The following SHH variants were observed in gnomAD, a reference collection of about 807,000 sequenced individuals.
The protein encoded by SHH is sonic hedgehog signaling molecule.
A neutral mutation model predicts 16.6 loss-of-function variants in SHH; 3 were observed. The observed-to-expected ratio is 0.18, with a 90% CI of 0.08 to 0.47. The LOEUF (loss-of-function observed/expected upper bound fraction) is 0.47, where lower values mean the gene tolerates loss of function less well. Ranked by LOEUF, SHH falls within the 20% of genes least tolerant of loss-of-function variation. The pLI is 0.98. For missense variants in SHH, 499 were observed against 665.0 expected (o/e 0.75, Z 2.75); for synonymous variants, 351 against 316.2 (o/e 1.11, Z -1.17).
chr7:155,803,874 G>C, intron 2 of SHH, 148 bp from the exon 3 acceptor site: 2 of 680,954 alleles, frequency 2.9e-6, no homozygotes, highest in South Asian at 1.8e-5. Context: ...GATTCCAGGC[G>C]GGTCCCGCAC....
In SHH at chr7:155,803,491, G is replaced by C; in HGVS notation, c.798C>G (p.Leu266=). 2 of 1,570,954 alleles carry C rather than the reference G, an allele frequency of 1.3e-6. No homozygotes were observed. The highest frequency in any genetic ancestry group is 1.7e-6 in the Non-Finnish European group (2 of 1,163,094). ...CCACAAAGAGCAGGTGCGCGGCGGTGAGCAGCAGGCGCTCGCGCGGCTCCC... is the reference window on the plus strand; with the variant it reads ...CCACAAAGAGCAGGTGCGCGGCGGTCAGCAGCAGGCGCTCGCGCGGCTCCC... ...ETREPRERLL[L]TAAHLLFVAP... Residue 266 remains leucine (L), a synonymous_variant, in exon 3 of 3, where the codon CTC becomes CTG. Transcript: ENST00000297261.
At position 155,807,836 on chromosome 7, in the gene SHH, T is replaced by A. The variant is rs1465098333; in HGVS notation, c.301-1279A>T. 1.3e-5 allele frequency among the ~76,000 whole-genome samples: 2 copies of A among 151,934 alleles called. No individual in the cohort carries two copies. Among genetic ancestry groups the A allele is most frequent in the Non-Finnish European group, 2.9e-5 (2 of 67,988 alleles). Reference sequence around the variant, plus strand: ...AGGTGACTTCTGCAGAGGGCGGGGCTGACCTCTAACCTCCTCCAGTCTGGA... The same window carrying A: ...AGGTGACTTCTGCAGAGGGCGGGGCAGACCTCTAACCTCCTCCAGTCTGGA... On this transcript the variant is annotated intron_variant, in intron 1 of 2. Transcript: ENST00000297261. This position sits in a 1 kb window ranked among gnomAD's most constrained non-coding sequence, Gnocchi z 7.1.
At chr7:155,804,785 G>C (rs962785772) in intron 2 of SHH, among the ~76,000 whole-genome samples, 3 of 152,030 alleles carry the variant, frequency 2.0e-5, no homozygotes, top group Admixed American at 6.5e-5. Flanking sequence ...GCAGGGGGCC[G>C]GGGAGGAGGG....
Position 155,802,891 on chromosome 7 carries a change from C to CCCCCCCCCCCCCCCCA in SHH, c.*8_*9insTGGGGGGGGGGGGGGG. On this transcript the variant is annotated 3_prime_UTR_variant, in exon 3 of 3. Coordinates refer to ENST00000297261, the MANE Select transcript of SHH (RefSeq NM_000193.4). ...CCCCCTCCCGCGCCCCTCCCCCGGC[C>CCCCCCCCCCCCCCCCA]CCCCGGCTTCAGCTGGACTTGACCG... is the stretch of plus-strand genomic sequence containing the variant. 1 of 1,361,546 alleles carries CCCCCCCCCCCCCCCCA rather than the reference C, an allele frequency of 7.3e-7. No individual in the cohort carries two copies. The allele number at this position is 1,361,546 out of a possible 1,614,324, so 84.3% of individuals were successfully genotyped here.
chr7:155,806,402 G>T lies in SHH; in HGVS notation c.456C>A (p.Asp152Glu). 1 of 1,613,752 alleles carries T rather than the reference G, an allele frequency of 6.2e-7. No homozygotes were observed. The highest frequency in any genetic ancestry group is 8.5e-7 in the Non-Finnish European group (1 of 1,180,040). The stretch of plus-strand genomic sequence containing the variant: ...GCATGCCGTACTTGCTGCGGTCGCG[G>T]TCAGACGTGGTGATGTCCACTGCGC... ...EGRAVDITTS[D>E]RDRSKYGMLA... The change falls in exon 2 of 3, where the codon GAC becomes GAA. Residue 152 changes from aspartate to glutamate, a missense_variant. Coordinates refer to ENST00000297261, the MANE Select transcript of SHH (RefSeq NM_000193.4).
chr7:155,803,686 G>C lies in SHH; in HGVS notation c.603C>G (p.Gly201=). Residue 201 remains glycine, a synonymous_variant, in exon 3 of 3, where the codon GGC becomes GGG. Coordinates refer to ENST00000297261, the MANE Select transcript of SHH (RefSeq NM_000193.4). ...VAAKSGGCFP[G]SATVHLEQGG... ...CCTGCTCCAGGTGCACCGTGGCCGAGCCCGGGAAGCAGCCTCCCGATTTGG... is the reference window on the plus strand; with the variant it reads ...CCTGCTCCAGGTGCACCGTGGCCGACCCCGGGAAGCAGCCTCCCGATTTGG... 1 of 1,597,808 alleles carries C rather than the reference G, an allele frequency of 6.3e-7. No homozygotes were observed. The highest frequency in any genetic ancestry group is 1.7e-5 in the Admixed American group (1 of 59,928).
rs12720059 is a variant in SHH, at chr7:155,803,927, C to CGACGCA, written c.563-202_563-201insTGCGTC. Reference sequence around the variant, plus strand: ...CCCCACTGCCCCAGGGACAGGATTCCGACACATTCCTTAACGACTCTCTAA... The same window carrying CGACGCA: ...CCCCACTGCCCCAGGGACAGGATTCCGACGCAGACACATTCCTTAACGACTCTCTAA... On this transcript the variant is annotated intron_variant, in intron 2 of 2. Coordinates refer to ENST00000297261, the MANE Select transcript of SHH (RefSeq NM_000193.4). Among the ~76,000 whole-genome samples the CGACGCA allele has an allele frequency of 0.11, 17,228 of 152,066 alleles. 1,246 individuals carry two copies. Among genetic ancestry groups the CGACGCA allele is most frequent in the African/African-American group, 0.2 (8,285 of 41,456 alleles).
chr7:155,803,848 G>T, intron 2 of SHH, 122 bp from the exon 3 acceptor site: 1 of 790,496 alleles, frequency 1.3e-6, no homozygotes, highest in Admixed American at 2.2e-5. Flanking sequence ...TGCGCAAGGC[G>T]CGGGGCGGGG....
At position 155,812,092 on chromosome 7, in the gene SHH, C is replaced by T. The variant is rs1803535358; in HGVS notation, c.31G>A (p.Val11Ile). MLLLARCLLLVLVSSLLVCSG... is the reference protein window; with the variant it reads MLLLARCLLLILVSSLLVCSG... The stretch of plus-strand genomic sequence containing the variant: ...CATACCAGCAGCGAGGAGACGAGGA[C>T]TAGCAGCAGACATCTCGCCAGCAGC... Residue 11 changes from valine to isoleucine, a missense_variant, in exon 1 of 3, where the codon GTC becomes ATC. Coordinates refer to ENST00000297261, the MANE Select transcript of SHH (RefSeq NM_000193.4). The T allele has an allele frequency of 6.2e-7, 1 of 1,614,088 alleles. No individual in the cohort carries two copies. Among genetic ancestry groups the T allele is most frequent in the African/African-American group, 1.3e-5 (1 of 74,952 alleles).
rs1015945261 is a variant in SHH at position 155,809,448 on chromosome 7, G to A, written c.300+2375C>T. Among the ~76,000 whole-genome samples, 3 of 151,834 alleles carry A rather than the reference G, an allele frequency of 2.0e-5. No homozygotes were observed. Among genetic ancestry groups the A allele is most frequent in the South Asian group, 4.2e-4 (2 of 4,784 alleles). ...CACCCCGCCCCTGCCCTCAGCACCCGAGCCTCCGCCTTCCCCATCCCTTCC... is the reference window on the plus strand; with the variant it reads ...CACCCCGCCCCTGCCCTCAGCACCCAAGCCTCCGCCTTCCCCATCCCTTCC... On this transcript the variant is annotated intron_variant, in intron 1 of 2. Transcript: ENST00000297261. This position sits in a 1 kb window ranked among gnomAD's most constrained non-coding sequence, Gnocchi z 6.1.
intron 1 of SHH, chr7:155,808,956 C>G (rs1043200989): frequency 1.3e-5 from 2 of 152,482 alleles, no homozygotes; most frequent in African/African-American, 2.4e-5. Flanking sequence ...GTCCTTTCCC[C>G]CAAGCTTGGT....
Position 155,803,254 on chromosome 7 carries a change from G to C in SHH, c.1035C>G (p.Tyr345Ter). The change falls in exon 3 of 3, where the codon TAC (tyrosine) becomes TAG (stop). Residue 345 changes from tyrosine to a stop codon, truncating the protein, a stop_gained. Transcript: ENST00000297261. LOFTEE classifies it low-confidence loss of function (END_TRUNC). ...TGGTGCCCTGGGCCGTGAGCGGCGCGTAGGCGCCCGCGGCCTCCTCGCTTA... is the reference window on the plus strand; with the variant it reads ...TGGTGCCCTGGGCCGTGAGCGGCGCCTAGGCGCCCGCGGCCTCCTCGCTTA... Reference protein sequence around the residue: ...VTLSEEAAGAYAPLTAQGTIL... With the variant: ...VTLSEEAAGA 6.6e-7 allele frequency: 1 copy of C among 1,515,760 alleles called. No homozygotes were observed. The highest frequency in any genetic ancestry group is 8.8e-7 in the Non-Finnish European group (1 of 1,139,618). The allele number at this position is 1,515,760 out of a possible 1,614,324, so 93.9% of individuals were successfully genotyped here.
At chr7:155,803,804 C>T in intron 2 of SHH, 78 bp from the exon 3 acceptor site, 2 of 1,312,926 alleles carry the variant, frequency 1.5e-6, no homozygotes, top group South Asian at 1.3e-5. Flanking sequence ...GGGAGGAGGG[C>T]GCACGCTTGG....
chr7:155,806,046 A>T (rs1182805932), intron 2 of SHH, among the ~76,000 whole-genome samples: 5 of 152,078 alleles, frequency 3.3e-5, no homozygotes, highest in African/African-American at 9.7e-5. Flanking sequence ...GGGGCTCCAG[A>T]AGCGGGCAGG....
At chr7:155,810,091 C>A (rs1803471516) in intron 1 of SHH, among the ~76,000 whole-genome samples, 1 of 152,212 alleles carries the variant, frequency 6.6e-6, no homozygotes, top group South Asian at 2.1e-4. Flanking sequence ...CCAGCCCAGC[C>A]CCTCGCGCAC....
At chr7:155,811,645 C>A (rs963568353) in intron 1 of SHH, among the ~76,000 whole-genome samples, 178 bp downstream of exon 1, 1 of 152,178 alleles carries the variant, frequency 6.6e-6, no homozygotes, top group African/African-American at 2.4e-5. Context: ...GGACCCTTGA[C>A]CTCCATTCTC....
In SHH at chr7:155,802,882, TCCCCCGGC is replaced by T; in HGVS notation, c.*10_*17del. The T allele has an allele frequency of 3.7e-6, 1 of 267,290 alleles. No individual in the cohort carries two copies. Among genetic ancestry groups the T allele is most frequent in the Non-Finnish European group, 5.0e-6 (1 of 199,868 alleles). The allele number at this position is 267,290 out of a possible 1,614,324, so 16.6% of individuals were successfully genotyped here. The stretch of plus-strand genomic sequence containing the variant: ...CCCGCCCCGCCCCCTCCCGCGCCCC[TCCCCCGGC>T]CCCCCGGCTTCAGCTGGACTTGACC... On this transcript the variant is annotated 3_prime_UTR_variant, in exon 3 of 3. Coordinates refer to ENST00000297261, the MANE Select transcript of SHH (RefSeq NM_000193.4).
Position 155,805,928 on chromosome 7 carries a change from G to A in SHH, c.562+368C>T, listed in dbSNP as rs1336010993. On this transcript the variant is annotated intron_variant, in intron 2 of 2. Coordinates refer to ENST00000297261, the MANE Select transcript of SHH (RefSeq NM_000193.4). ...GGCGGTTGGTTCTTAAGCCCTAAAC[G>A]AGAGGAAGGAGCTCGCCCAGACCTG... 2.0e-5 allele frequency among the ~76,000 whole-genome samples: 3 copies of A among 152,248 alleles called. 1 individual carries two copies. The highest frequency in any genetic ancestry group is 4.4e-5 in the Non-Finnish European group (3 of 68,040).
rs1010231069 is a variant in SHH, at chr7:155,812,163, G to A, written c.-41C>T. On this transcript the variant is annotated 5_prime_UTR_variant, in exon 1 of 3. Transcript: ENST00000297261. ...GATGACTTCCGAGCTGTCCCCGTGCGGGTCCGTGCGCGAGTGCGCGCGGCG... is the reference window on the plus strand; with the variant it reads ...GATGACTTCCGAGCTGTCCCCGTGCAGGTCCGTGCGCGAGTGCGCGCGGCG... 1 of 1,606,174 alleles carries A rather than the reference G, an allele frequency of 6.2e-7. No individual in the cohort carries two copies. The highest frequency in any genetic ancestry group is 1.1e-5 in the South Asian group (1 of 90,890).
Sources: allele counts gnomAD v4.1 joint callset (sites outside exome capture counted in the v4.1 genomes callset), GRCh38; gene constraint gnomAD v4.1.1; non-coding constraint Gnocchi (gnomAD v3.1); transcripts MANE v1.5; gene names NCBI Gene and HGNC (gene_info 2026-07-23, HGNC 2026-07-21).